Variants in NOBOX observed in about 807,000 individuals in gnomAD.
NOBOX encodes NOBOX oogenesis homeobox.
Under a neutral mutation model 60.2 loss-of-function variants are expected in NOBOX, and 46 were observed. The observed-to-expected ratio is 0.76, with a 90% confidence interval of 0.60 to 0.98. NOBOX has a LOEUF of 0.98. Ranked by LOEUF, NOBOX falls within the 50% of genes least tolerant of loss-of-function variation. The pLI, the probability that NOBOX is intolerant of heterozygous loss-of-function variation, is 0.00. For missense variants in NOBOX, 880 were observed against 865.5 expected, an observed-to-expected ratio of 1.02 and a Z score of -0.21; for synonymous variants, 360 against 346.3, an observed-to-expected ratio of 1.04 and a Z score of -0.44.
intron 9 of NOBOX, 93 bp downstream of exon 7, chr7:144,398,189 C>A (rs2128860856): frequency 8.8e-7 from 1 of 1,136,054 alleles, no homozygotes; most frequent in Non-Finnish European, 1.3e-6. Flanking sequence ...CCACCCATGA[C>A]CTGCCTCAGT....
chr7:144,399,546 T>C, intron 6 of NOBOX, 64 bp from the exon 5 acceptor site: 2 of 1,370,016 alleles, frequency 1.5e-6, no homozygotes, highest in South Asian at 1.2e-5. Flanking sequence ...GGTGCCTCAT[T>C]GCCAGGAGAG....
chr7:144,400,543 T>C (rs1488920344), intron 4 of NOBOX, among the ~76,000 whole-genome samples: 1 of 152,236 alleles, frequency 6.6e-6, no homozygotes, highest in Non-Finnish European at 1.5e-5. Context: ...CATCATTTTC[T>C]TTTTTTCTTT....
rs540189582 is a variant in NOBOX, at chr7:144,403,005, C to A, written c.211-1055G>T. Among the ~76,000 whole-genome samples, 3 of 152,254 alleles carry A rather than the reference C, an allele frequency of 2.0e-5. No individual in the cohort carries two copies. The South Asian group carries it at 6.2e-4, about 32-fold the overall frequency. On this transcript the variant is annotated intron_variant, in intron 2 of 9. Transcript: ENST00000467773. ...CTCCTGACCTCAGGTGGTCCACCAG[C>A]CTCGCCCTCCCAACGTGCTGGGATT...
At chr7:144,404,811 GT>G in intron 1 of NOBOX, 1 of 1,073,208 alleles carries the variant, frequency 9.3e-7, no homozygotes, top group Non-Finnish European at 1.4e-6. Flanking sequence ...TTCACGGAAT[GT>G]TTCTTACTAT....
Sources: gnomAD v4.1 joint callset for allele counts (sites outside exome capture counted in the v4.1 genomes callset) on GRCh38, gnomAD v4.1.1 for gene constraint, MANE v1.5 for transcripts, NCBI Gene and HGNC (gene_info 2026-07-23, HGNC 2026-07-21) for gene names.